Variants in FOCAD observed in about 807,000 individuals in gnomAD.
FOCAD encodes the protein KIAA1797.
Under a neutral mutation model 225.6 loss-of-function variants are expected in FOCAD, and 198 were observed. That is an observed-to-expected ratio of 0.88 (90% CI 0.78 to 0.99). FOCAD has a LOEUF of 0.99. Ranked by LOEUF, FOCAD falls within the 50% of genes least tolerant of loss-of-function variation. The pLI is 0.00. For missense variants in FOCAD, 2,713 were observed against 2,123.6 expected, an observed-to-expected ratio of 1.28 and a Z score of -5.46; for synonymous variants, 897 against 755.0, an observed-to-expected ratio of 1.19 and a Z score of -3.08.
At chr9:20,709,898 C>G (rs1360460991) in intron 1 of FOCAD, among the ~76,000 whole-genome samples, 2 of 152,156 alleles carry the variant, frequency 1.3e-5, no homozygotes, top group Non-Finnish European at 2.9e-5. Context: ...TAGATAAAAA[C>G]AACACTGTTT....
intron 2 of FOCAD, among the ~76,000 whole-genome samples, chr9:20,665,903 A>G (rs1430796297): frequency 1.3e-5 from 2 of 151,466 alleles, no homozygotes; most frequent in Middle Eastern, 3.2e-3. Flanking sequence ...ATAATTATAT[A>G]TATATATTTT....
At chr9:20,963,615 G>C (rs1564211104) in intron 35 of FOCAD, among the ~76,000 whole-genome samples, 1 of 152,298 alleles carries the variant, frequency 6.6e-6, no homozygotes, top group Non-Finnish European at 1.5e-5. Flanking sequence ...TTCTTAAATG[G>C]AGAGATGTAA....
At chr9:20,724,923 C>T (rs1305690447) in intron 4 of FOCAD, among the ~76,000 whole-genome samples, 2 of 152,164 alleles carry the variant, frequency 1.3e-5, no homozygotes, top group African/African-American at 4.8e-5. Flanking sequence ...AATCCCAGCA[C>T]TTTGGGAGGC....
At chr9:20,958,429 A>G (rs1412633237) in intron 35 of FOCAD, among the ~76,000 whole-genome samples, 2 of 152,114 alleles carry the variant, frequency 1.3e-5, no homozygotes, top group African/African-American at 2.4e-5. Context: ...ATGAATAATT[A>G]TACATATTCA....
At chr9:20,727,335 A>G (rs1016188439) in intron 4 of FOCAD, among the ~76,000 whole-genome samples, 1 of 152,136 alleles carries the variant, frequency 6.6e-6, no homozygotes, top group East Asian at 1.9e-4. Flanking sequence ...AAAATCTTCC[A>G]TTGTAGAGTC....
At chr9:20,847,497 G>T (rs1182151523) in intron 15 of FOCAD, among the ~76,000 whole-genome samples, 1 of 148,786 alleles carries the variant, frequency 6.7e-6, no homozygotes, top group African/African-American at 2.5e-5. Context: ...TTAGATTCAT[G>T]CAGTATTGTT....
intron 22 of FOCAD, among the ~76,000 whole-genome samples, chr9:20,910,967 G>A (rs995243992): frequency 6.6e-6 from 1 of 152,084 alleles, no homozygotes; most frequent in African/African-American, 2.4e-5. Context: ...TTAAGAAGGT[G>A]CATGTATTCT....
chr9:20,792,760 A>G (rs1820662643), intron 11 of FOCAD, among the ~76,000 whole-genome samples: 1 of 152,158 alleles, frequency 6.6e-6, no homozygotes, highest in Non-Finnish European at 1.5e-5. Context: ...AAGTGTACAC[A>G]TTTGATCCAT....
intron 35 of FOCAD, among the ~76,000 whole-genome samples, chr9:20,970,556 G>A (rs1328450303): frequency 6.6e-6 from 1 of 151,832 alleles, no homozygotes; most frequent in African/African-American, 2.4e-5. Context: ...AACTCTTTTT[G>A]ATATTCTCTT....
chr9:20,862,798 C>CTGT lies in FOCAD; in HGVS notation c.2055+106_2055+108dup, dbSNP rs142288658. ...AACTTTTGGAATAAATATTCCTAAT[C>CTGT]TGTTGTTGTTGTTGTTGTTGTTCTG... On this transcript the variant is annotated intron_variant, in intron 16 of 43. Coordinates refer to ENST00000338382, the MANE Select transcript of FOCAD (RefSeq NM_001375567.1). The CTGT allele has an allele frequency of 8.3e-5, 120 of 1,444,146 alleles. 1 individual carries two copies. Among genetic ancestry groups the CTGT allele is most frequent in the African/African-American group, 3.0e-4 (21 of 70,692 alleles). The allele number at this position is 1,444,146 out of a possible 1,614,324, so 89.5% of individuals were successfully genotyped here.
At chr9:20,732,534 C>A (rs531109500) in intron 4 of FOCAD, among the ~76,000 whole-genome samples, 1 of 152,214 alleles carries the variant, frequency 6.6e-6, no homozygotes, top group East Asian at 1.9e-4. Flanking sequence ...CAGTGCAGCG[C>A]ATGATTGACA....
chr9:20,848,431 G>T (rs1162057770), intron 15 of FOCAD, among the ~76,000 whole-genome samples: 1 of 152,018 alleles, frequency 6.6e-6, no homozygotes, highest in Non-Finnish European at 1.5e-5. Flanking sequence ...TACACAGAAA[G>T]GTGGTGGGGA....
intron 11 of FOCAD, among the ~76,000 whole-genome samples, chr9:20,795,417 T>C (rs931391453): frequency 6.6e-6 from 1 of 152,194 alleles, no homozygotes; most frequent in African/African-American, 2.4e-5. Flanking sequence ...ACTTGTGTAC[T>C]GTTTTCAAGA....
At chr9:20,696,334 A>G (rs1008313151) in intron 1 of FOCAD, among the ~76,000 whole-genome samples, 6 of 152,194 alleles carry the variant, frequency 3.9e-5, no homozygotes, top group African/African-American at 1.4e-4. Context: ...TTCTCACCAT[A>G]CAGACACACA....
chr9:20,936,247 A>C (rs1672518073), intron 28 of FOCAD, among the ~76,000 whole-genome samples: 1 of 152,230 alleles, frequency 6.6e-6, no homozygotes, highest in Non-Finnish European at 1.5e-5. Flanking sequence ...GGCACTGCTC[A>C]AATATGCATT....
In FOCAD at chr9:20,995,551, C is replaced by T. The variant is rs565139648; in HGVS notation, c.5333-5C>T. The T allele has an allele frequency of 1.2e-6, 2 of 1,611,872 alleles. No individual in the cohort carries two copies. Among genetic ancestry groups the T allele is most frequent in the Non-Finnish European group, 1.7e-6 (2 of 1,178,216 alleles). On this transcript the variant is annotated splice_polypyrimidine_tract_variant and splice_region_variant and intron_variant, in intron 43 of 43. Transcript: ENST00000338382. Reference sequence around the variant, plus strand: ...TGCAGCCATACCTATATTTTGTCCCCTTAGCCACCCTGCTGTCCTTGAGAG... The same window carrying T: ...TGCAGCCATACCTATATTTTGTCCCTTTAGCCACCCTGCTGTCCTTGAGAG...
chr9:20,992,115 A>G (rs1251092979), intron 42 of FOCAD, among the ~76,000 whole-genome samples: 5 of 152,116 alleles, frequency 3.3e-5, no homozygotes, highest in Non-Finnish European at 5.9e-5. Context: ...CCTATCACCA[A>G]TGTATGTGTT....
intron 16 of FOCAD, chr9:20,863,365 T>C (rs1301996244): frequency 3.3e-5 from 5 of 152,068 alleles, no homozygotes; most frequent in Non-Finnish European, 5.9e-5. Context: ...TCACAGACTT[T>C]GATAAACTGC....
intron 6 of FOCAD, among the ~76,000 whole-genome samples, chr9:20,764,285 C>T (rs190193332): frequency 2.2e-4 from 33 of 152,212 alleles, no homozygotes; most frequent in Non-Finnish European, 4.3e-4. Context: ...GATGGAGTCT[C>T]GCTCTGTTGC....
Sources: allele counts gnomAD v4.1 joint callset (sites outside exome capture counted in the v4.1 genomes callset), GRCh38; gene constraint gnomAD v4.1.1; transcripts MANE v1.5; gene names NCBI Gene and HGNC (gene_info 2026-07-23, HGNC 2026-07-21).